SRPK2: variants seen among roughly 807,000 people sequenced by gnomAD.
SRPK2 encodes SRSF protein kinase 2, also known as SFRS protein kinase 2.
A neutral mutation model predicts 90.8 loss-of-function variants in SRPK2; 21 were observed. The ratio of observed to expected loss-of-function variants is 0.23; its 90% CI spans 0.16 to 0.33. SRPK2 has a LOEUF of 0.33. SRPK2 is among the 10% of genes least tolerant of loss of function. The pLI is 1.00. For synonymous variants in SRPK2, 288 were observed against 311.1 expected (o/e 0.93, Z 0.78); for missense variants, 620 against 869.0 (o/e 0.71, Z 3.60).
intron 2 of SRPK2, among the ~76,000 whole-genome samples, chr7:105,368,527 T>C (rs941853217): frequency 6.6e-6 from 1 of 152,116 alleles, no homozygotes; most frequent in Admixed American, 6.6e-5. Context: ...TGAATCAGCA[T>C]CCAGGGCTCT....
upstream of SRPK2, among the ~76,000 whole-genome samples, chr7:105,392,845 C>T (rs1384834225): frequency 6.6e-6 from 1 of 151,334 alleles, no homozygotes; most frequent in Non-Finnish European, 1.5e-5. Context: ...GAGGGTCTTG[C>T]TCCGTCGCCC....
At chr7:105,295,360 AAATT>A (rs1352653438) in intron 2 of SRPK2, among the ~76,000 whole-genome samples, 1 of 151,986 alleles carries the variant, frequency 6.6e-6, no homozygotes, top group African/African-American at 2.4e-5. Flanking sequence ...ATTTTTATGT[AAATT>A]AATATTTCAT....
At chr7:105,224,472 G>A (rs1007313131) in intron 2 of SRPK2, among the ~76,000 whole-genome samples, 2 of 152,050 alleles carry the variant, frequency 1.3e-5, no homozygotes, top group African/African-American at 4.8e-5. Context: ...ATCCAGGAAT[G>A]GTGGTGCACG....
chr7:105,232,976 C>T lies in SRPK2; in HGVS notation c.72-29191G>A, dbSNP rs568548538. On this transcript the variant is annotated intron_variant, in intron 2 of 15. Coordinates refer to ENST00000393651, the MANE Select transcript of SRPK2 (RefSeq NM_182692.3). ...CGGAGGTTGTGGTGAGCTGAGATAA[C>T]GCCACTGCACTCCAGCCTAGGCAAA... Among the ~76,000 whole-genome samples the T allele has an allele frequency of 9.3e-4, 141 of 150,810 alleles. 1 individual carries two copies. The highest frequency in any genetic ancestry group is 3.2e-3 in the African/African-American group (131 of 40,968).
At chr7:105,370,356 T>C (rs1819555991) in intron 2 of SRPK2, among the ~76,000 whole-genome samples, 1 of 152,126 alleles carries the variant, frequency 6.6e-6, no homozygotes, top group Admixed American at 6.6e-5. Flanking sequence ...TTTCAGGAGT[T>C]TGGGGGATAC....
intron 15 of SRPK2, among the ~76,000 whole-genome samples, chr7:105,119,422 T>G (rs1317268117): frequency 6.6e-6 from 1 of 152,152 alleles, no homozygotes; most frequent in Non-Finnish European, 1.5e-5. Context: ...TGCTCTTCTT[T>G]TGTGTCTATT....
intron 3 of SRPK2, among the ~76,000 whole-genome samples, chr7:105,182,453 C>CTTTT (rs71152944): frequency 8.6e-6 from 1 of 116,520 alleles, no homozygotes. Flanking sequence ...CCCCCCCCGC[C>CTTTT]TTTTTTTTTT....
At chr7:105,261,545 A>G (rs899629218) in intron 2 of SRPK2, among the ~76,000 whole-genome samples, 1 of 152,128 alleles carries the variant, frequency 6.6e-6, no homozygotes. Flanking sequence ...AAAAGAAAGA[A>G]AAAAGAAAAA....
At chr7:105,358,610 C>A (rs867908285) in intron 2 of SRPK2, among the ~76,000 whole-genome samples, 1 of 151,724 alleles carries the variant, frequency 6.6e-6, no homozygotes, top group African/African-American at 2.4e-5. Context: ...CACCTGAGCC[C>A]GGGAGGCAAA....
chr7:105,373,772 T>C (rs138276441), intron 2 of SRPK2, among the ~76,000 whole-genome samples: 2 of 152,258 alleles, frequency 1.3e-5, no homozygotes, highest in East Asian at 1.9e-4. Context: ...TGCAGTAAGC[T>C]GACCTTACTG....
intron 2 of SRPK2, among the ~76,000 whole-genome samples, chr7:105,371,624 G>A (rs1819702727): frequency 6.6e-6 from 1 of 151,246 alleles, no homozygotes; most frequent in Non-Finnish European, 1.5e-5. Context: ...GGTATGGTAG[G>A]TAGTGCATGC....
At chr7:105,153,654 C>G (rs1379617685) in intron 7 of SRPK2, among the ~76,000 whole-genome samples, 2 of 152,116 alleles carry the variant, frequency 1.3e-5, no homozygotes, top group Non-Finnish European at 2.9e-5. Context: ...TTATGCTCTG[C>G]TACTGGTGAT....
At chr7:105,222,255 T>TA (rs1414837637) in intron 2 of SRPK2, among the ~76,000 whole-genome samples, 1 of 152,246 alleles carries the variant, frequency 6.6e-6, no homozygotes, top group Non-Finnish European at 1.5e-5. Flanking sequence ...TGTAGCACTC[T>TA]AAACACCAGG....
At chr7:105,202,606 C>T (rs1397641332) in intron 3 of SRPK2, among the ~76,000 whole-genome samples, 2 of 152,178 alleles carry the variant, frequency 1.3e-5, no homozygotes, top group African/African-American at 4.8e-5. Flanking sequence ...AACACGCTTG[C>T]CCTTTAGGAG....
intron 2 of SRPK2, among the ~76,000 whole-genome samples, chr7:105,233,572 G>T (rs552573512): frequency 1.3e-5 from 2 of 152,248 alleles, no homozygotes; most frequent in South Asian, 4.2e-4. Context: ...TAAAATACGG[G>T]CTGGGCGCAG....
intron 2 of SRPK2, among the ~76,000 whole-genome samples, chr7:105,366,992 TTATTC>T (rs1437310446): frequency 6.6e-6 from 1 of 152,202 alleles, no homozygotes; most frequent in Non-Finnish European, 1.5e-5. Flanking sequence ...TCCCATGGTG[TTATTC>T]AAAGTTTACA....
chr7:105,269,419 TTTAA>T (rs1000383203), intron 2 of SRPK2, among the ~76,000 whole-genome samples: 4 of 152,196 alleles, frequency 2.6e-5, no homozygotes, highest in Admixed American at 2.0e-4. Flanking sequence ...CTTGATTGTG[TTTAA>T]TTAAAGACAC....
In SRPK2 at chr7:105,117,768, G is replaced by T; in HGVS notation, c.*70C>A. 2 of 1,508,806 alleles carry T rather than the reference G, an allele frequency of 1.3e-6. No individual in the cohort carries two copies. The highest frequency in any genetic ancestry group is 1.2e-5 in the South Asian group (1 of 86,870). The allele number at this position is 1,508,806 out of a possible 1,614,324, so 93.5% of individuals were successfully genotyped here. A position where few individuals can be genotyped will look rare whatever the true frequency, so the allele number is the denominator to read the frequency against. On this transcript the variant is annotated 3_prime_UTR_variant, in exon 16 of 16. Coordinates refer to ENST00000393651, the MANE Select transcript of SRPK2 (RefSeq NM_182692.3). Reference sequence around the variant, plus strand: ...CTCACTTGTAATCCTGTTAAAGAATGAGAGTCACCGTTTAGGTCCAATGTA... The same window carrying T: ...CTCACTTGTAATCCTGTTAAAGAATTAGAGTCACCGTTTAGGTCCAATGTA...
At chr7:105,372,714 T>C (rs930916250) in intron 2 of SRPK2, among the ~76,000 whole-genome samples, 3 of 152,216 alleles carry the variant, frequency 2.0e-5, no homozygotes, top group African/African-American at 7.2e-5. Flanking sequence ...CTCCAGGTAA[T>C]GATTTTTTTT....
Sources: gnomAD v4.1 joint callset for allele counts (sites outside exome capture counted in the v4.1 genomes callset) on GRCh38, gnomAD v4.1.1 for gene constraint, MANE v1.5 for transcripts, NCBI Gene and HGNC (gene_info 2026-07-23, HGNC 2026-07-21) for gene names.